The following BAG4 variants were observed in gnomAD, a reference collection of about 807,000 sequenced individuals.
BAG4 encodes BAG family molecular chaperone regulator 4.
Under a neutral mutation model 52.1 loss-of-function variants are expected in BAG4, and 28 were observed. The ratio of observed to expected loss-of-function variants is 0.54; its 90% confidence interval spans 0.40 to 0.74. The LOEUF (loss-of-function observed/expected upper bound fraction) is 0.74. Ranked by LOEUF, BAG4 falls within the 30% of genes least tolerant of loss-of-function variation. The pLI is 0.00. For synonymous variants in BAG4, 208 were observed against 217.0 expected (o/e 0.96, Z 0.37); for missense variants, 525 against 572.0 (o/e 0.92, Z 0.84).
At chr8:38,209,973 C>G (rs748008351) in intron 4 of BAG4, 35 bp from the exon 5 acceptor site, 2 of 1,596,112 alleles carry the variant, frequency 1.3e-6, no homozygotes, top group South Asian at 2.3e-5. Context: ...CCCATTAAAA[C>G]AGCTCTTTTC....
intron 1 of BAG4, among the ~76,000 whole-genome samples, chr8:38,184,101 A>C (rs1455721647): frequency 1.3e-5 from 2 of 152,184 alleles, no homozygotes. Flanking sequence ...GAAAATAGTA[A>C]GTGGAGGAAG....
chr8:38,182,347 C>T (rs1190541192), intron 1 of BAG4, among the ~76,000 whole-genome samples: 1 of 152,064 alleles, frequency 6.6e-6, no homozygotes, highest in Non-Finnish European at 1.5e-5. Flanking sequence ...GCTACTGATT[C>T]CTCTGCTGTT....
intron 2 of BAG4, among the ~76,000 whole-genome samples, chr8:38,195,106 G>A (rs536992615): frequency 4.0e-5 from 6 of 151,092 alleles, no homozygotes; most frequent in Admixed American, 2.0e-4. Flanking sequence ...CACCCGTCTC[G>A]GCCTCCCAAA....
At chr8:38,188,608 CAT>C (rs200855968) in intron 1 of BAG4, among the ~76,000 whole-genome samples, 25 of 148,744 alleles carry the variant, frequency 1.7e-4, no homozygotes, top group African/African-American at 4.4e-4. Flanking sequence ...TGCATGTATA[CAT>C]ATATATACAT....
intron 2 of BAG4, among the ~76,000 whole-genome samples, chr8:38,197,635 A>G (rs987952602): frequency 3.9e-5 from 6 of 152,186 alleles, no homozygotes; most frequent in African/African-American, 1.4e-4. Context: ...AGTTTACCAT[A>G]AATTTGTATA....
intron 2 of BAG4, chr8:38,202,033 AT>A (rs1385081549): frequency 1.3e-5 from 2 of 150,690 alleles, no homozygotes; most frequent in Non-Finnish European, 3.0e-5. Context: ...AGCCTTCCTC[AT>A]TTTTCAGAAC....
chr8:38,207,576 C>T lies in BAG4; in HGVS notation c.443C>T (p.Thr148Ile). The part of the protein sequence containing the change: ...PTYPPGPGAN[T>I]ASYSGAYYAP... ...TACCCCCCAGGCCCTGGGGCAAATA[C>T]TGCCTCATACTCAGGGGCTTATTAT... The change falls in exon 3 of 5, where the codon ACT (threonine) becomes ATT (isoleucine). Residue 148 changes from threonine (T) to isoleucine (I), a missense_variant. Thr to Ile is a moderately conservative substitution (Grantham distance 89). Around this residue, in one of 2 missense-constraint regions of BAG4, gnomAD observed 287 missense variants for 266.1 expected, o/e 1.08. Transcript: ENST00000287322. 2 of 1,613,736 alleles carry T rather than the reference C, an allele frequency of 1.2e-6. No homozygotes were observed. Among genetic ancestry groups the T allele is most frequent in the Non-Finnish European group, 1.7e-6 (2 of 1,179,738 alleles).
At chr8:38,188,490 G>A (rs917025231) in intron 1 of BAG4, among the ~76,000 whole-genome samples, 14 of 151,568 alleles carry the variant, frequency 9.2e-5, no homozygotes, top group African/African-American at 3.4e-4. Context: ...TTATATACAT[G>A]TATCAAAATA....
chr8:38,186,084 A>G (rs1803362120), intron 1 of BAG4, among the ~76,000 whole-genome samples: 1 of 152,016 alleles, frequency 6.6e-6, no homozygotes, highest in African/African-American at 2.4e-5. Flanking sequence ...TAGCGTACCA[A>G]CATTTCTCAT....
chr8:38,187,415 G>A (rs1463140565), intron 1 of BAG4, among the ~76,000 whole-genome samples: 1 of 152,082 alleles, frequency 6.6e-6, no homozygotes, highest in Non-Finnish European at 1.5e-5. Flanking sequence ...ATATGAAGGA[G>A]AGAAAAAAGA....
intron 2 of BAG4, among the ~76,000 whole-genome samples, chr8:38,198,546 T>C (rs1803606355): frequency 6.7e-6 from 1 of 149,214 alleles, no homozygotes; most frequent in Non-Finnish European, 1.5e-5. Flanking sequence ...TGCAGTGCAG[T>C]GGTGCGATCT....
At chr8:38,191,352 T>C (rs915412256) in intron 1 of BAG4, among the ~76,000 whole-genome samples, 1 of 152,210 alleles carries the variant, frequency 6.6e-6, no homozygotes, top group African/African-American at 2.4e-5. Flanking sequence ...GGATAAGTAG[T>C]GCAGTTAAGC....
rs1339137430 is a variant in BAG4, at chr8:38,210,177, G to A, written c.1058G>A (p.Ser353Asn). 6.2e-7 allele frequency: 1 copy of A among 1,614,158 alleles called. No individual in the cohort carries two copies. The highest frequency in any genetic ancestry group is 1.3e-5 in the African/African-American group (1 of 75,044). Residue 353 changes from serine (S) to asparagine (N), a missense_variant, in exon 5 of 5, where the codon AGT (serine) becomes AAT (asparagine). Physicochemically the swap from Ser to Asn is conservative, Grantham distance 46 (BLOSUM62 1). This residue lies in a region of BAG4 where 238 missense variants were observed against 305.8 expected (regional missense o/e 0.78). Transcript: ENST00000287322. ...CCTCAGCTGTATGGTAATGCCACCA[G>A]TGACCATCCCAACAATCAAGATCAA... ...AEPQLYGNAT[S>N]DHPNNQDQSS...
rs575332355 is a variant in BAG4, at chr8:38,197,751, G to T, written c.378+4956G>T. The stretch of plus-strand genomic sequence containing the variant: ...GTCTCACTCTGTCCCCCAGACTGGG[G>T]TGCAGTGGCGTGATCTCGGCTCTCT... On this transcript the variant is annotated intron_variant, in intron 2 of 4. Transcript: ENST00000287322. 1.9e-4 allele frequency among the ~76,000 whole-genome samples: 29 copies of T among 152,232 alleles called. 1 individual carries two copies. Among genetic ancestry groups the T allele is most frequent in the Admixed American group, 1.2e-3 (18 of 15,280 alleles).
chr8:38,177,120 G>A lies in BAG4; in HGVS notation c.251G>A (p.Arg84Gln), dbSNP rs773116442. 11 of 1,612,762 alleles carry A rather than the reference G, an allele frequency of 6.8e-6. No homozygotes were observed. Among genetic ancestry groups the A allele is most frequent in the Non-Finnish European group, 9.3e-6 (11 of 1,179,922 alleles). The change falls in exon 1 of 5, where the codon CGA (arginine) becomes CAA (glutamine). Residue 84 changes from arginine (R) to glutamine (Q), a missense_variant. Physicochemically the swap from Arg to Gln is conservative, Grantham distance 43. Transcript: ENST00000287322. The stretch of plus-strand genomic sequence containing the variant: ...GGAGGCGCCTGGCCAGAGCCTGGTC[G>A]AGCCGGAGGAAGCCACCAGGTAAGC... ...PSGGAWPEPG[R>Q]AGGSHQEQPP...
At chr8:38,199,496 A>G (rs543319919) in intron 2 of BAG4, among the ~76,000 whole-genome samples, 162 of 151,842 alleles carry the variant, frequency 1.1e-3, no homozygotes, top group Non-Finnish European at 1.4e-3. Flanking sequence ...TTGACTAACC[A>G]AAGATCATAA....
At chr8:38,178,623 TAGAA>T (rs1183363875) in intron 1 of BAG4, among the ~76,000 whole-genome samples, 3 of 152,212 alleles carry the variant, frequency 2.0e-5, no homozygotes, top group Admixed American at 6.5e-5. Context: ...TATTTGGCCT[TAGAA>T]AGGAATGAAC....
chr8:38,187,231 T>C (rs1189210434), intron 1 of BAG4, among the ~76,000 whole-genome samples: 1 of 152,114 alleles, frequency 6.6e-6, no homozygotes, highest in Non-Finnish European at 1.5e-5. Context: ...TCATGTCAAA[T>C]AGGGAATATC....
Position 38,195,004 on chromosome 8 carries a change from G to A in BAG4, c.378+2209G>A, listed in dbSNP as rs1293477943. Among the ~76,000 whole-genome samples the A allele has an allele frequency of 3.3e-5, 5 of 150,706 alleles. No individual in the cohort carries two copies. The South Asian group carries it at 6.3e-4, about 19-fold the overall frequency. ...CGAGTAGCTGGGACTACAGGCGCCC[G>A]CCACCACGCCCAGCTAATTTTTTGT... On this transcript the variant is annotated intron_variant, in intron 2 of 4. Transcript: ENST00000287322.
Sources: gnomAD v4.1 joint callset for allele counts (sites outside exome capture counted in the v4.1 genomes callset) on GRCh38, gnomAD v4.1.1 for gene constraint, gnomAD v4.1.1 regional missense constraint, MANE v1.5 for transcripts, NCBI Gene and HGNC (gene_info 2026-07-23, HGNC 2026-07-21) for gene names.